FLT4: variants seen among roughly 807,000 people sequenced by gnomAD.
FLT4 encodes vascular endothelial growth factor receptor 3.
A neutral mutation model predicts 163.2 loss-of-function variants in FLT4; 30 were observed. The ratio of observed to expected loss-of-function variants is 0.18; its 90% CI spans 0.14 to 0.25. The LOEUF is 0.25. Among genes scored for constraint, FLT4 ranks in the 10% least tolerant of loss-of-function variants. FLT4 has a pLI of 1.00. For missense variants in FLT4, 1,510 were observed against 1,863.8 expected, an observed-to-expected ratio of 0.81 and a Z score of 3.50; for synonymous variants, 884 against 789.5, an observed-to-expected ratio of 1.12 and a Z score of -2.01.
At chr5:180,603,862 C>T (rs1761646522) in intron 29 of FLT4, among the ~76,000 whole-genome samples, 2 of 151,384 alleles carry the variant, frequency 1.3e-5, no homozygotes, top group African/African-American at 4.9e-5. Context: ...TGAGATCGCA[C>T]CACTGCACTC....
chr5:180,624,899 C>A (rs1763479837), intron 10 of FLT4, among the ~76,000 whole-genome samples: 1 of 152,238 alleles, frequency 6.6e-6, no homozygotes, highest in African/African-American at 2.4e-5. Flanking sequence ...GAGCAGGGAC[C>A]CCCCGAAGGG....
At chr5:180,631,462 G>A (rs1291129500) in intron 2 of FLT4, among the ~76,000 whole-genome samples, 1 of 151,904 alleles carries the variant, frequency 6.6e-6, no homozygotes, top group African/African-American at 2.4e-5. Context: ...GACAGAGTGA[G>A]ACTCCATCTC....
chr5:180,644,151 G>A (rs1228825207), intron 1 of FLT4, among the ~76,000 whole-genome samples: 2 of 152,206 alleles, frequency 1.3e-5, no homozygotes, highest in Admixed American at 6.5e-5. Context: ...AAGGGCTTCT[G>A]TGTGTCTTTT....
At chr5:180,615,163 C>T (rs186841381) in intron 23 of FLT4, among the ~76,000 whole-genome samples, 22 of 147,352 alleles carry the variant, frequency 1.5e-4, no homozygotes, top group Non-Finnish European at 2.7e-4. Context: ...TGGTCACCTC[C>T]CTTCTCCACT....
chr5:180,623,865 T>C lies in FLT4; in HGVS notation c.1548+70A>G. The C allele has an allele frequency of 6.3e-7, 1 of 1,592,770 alleles. No homozygotes were observed. Among genetic ancestry groups the C allele is most frequent in the East Asian group, 2.2e-5 (1 of 44,748 alleles). On this transcript the variant is annotated intron_variant, in intron 11 of 29. Coordinates refer to ENST00000261937, the MANE Select transcript of FLT4 (RefSeq NM_182925.5). The surrounding 1 kb of genome is among the most constrained non-coding windows in gnomAD (Gnocchi z 5.8). Reference sequence around the variant, plus strand: ...CTCTGGAAGCCAGGTGGAAACCACATGGCAGTAATGGCCTCTCTCTCCTCC... The same window carrying C: ...CTCTGGAAGCCAGGTGGAAACCACACGGCAGTAATGGCCTCTCTCTCCTCC...
chr5:180,625,255 C>T (rs1370691446), intron 10 of FLT4, among the ~76,000 whole-genome samples: 1 of 152,254 alleles, frequency 6.6e-6, no homozygotes, highest in Non-Finnish European at 1.5e-5. Context: ...GCGTCCTCCT[C>T]TCACCCCCTG....
intron 29 of FLT4, among the ~76,000 whole-genome samples, chr5:180,606,792 C>T (rs1761809643): frequency 6.6e-6 from 1 of 152,024 alleles, no homozygotes; most frequent in Non-Finnish European, 1.5e-5. Context: ...GGCGTGGTGG[C>T]TCATACCTGT....
chr5:180,603,439 C>G, intron 29 of FLT4, 49 bp from the exon 30 acceptor site: 2 of 1,562,624 alleles, frequency 1.3e-6, no homozygotes, highest in Non-Finnish European at 1.8e-6. Context: ...GGCTGGGTGG[C>G]GGGTGGTGCA....
rs955197076 is a variant in FLT4 at position 180,649,386 on chromosome 5, G to T, written c.58+102C>A. The T allele has an allele frequency of 1.5e-5, 11 of 749,314 alleles. No individual in the cohort carries two copies. The African/African-American group carries it at 1.5e-4, about 11-fold the overall frequency. The allele number at this position is 749,314 out of a possible 1,614,324, so 46.4% of individuals were successfully genotyped here. A position where few individuals can be genotyped will look rare whatever the true frequency, so the allele number is the denominator to read the frequency against. ...GCGCACCAGGGCCACCGTGTCCCCC[G>T]CCCGTACCCGGCGGAGCGGTCTCAG... On this transcript the variant is annotated intron_variant, in intron 1 of 29. Coordinates refer to ENST00000261937, the MANE Select transcript of FLT4 (RefSeq NM_182925.5).
Position 180,636,742 on chromosome 5 carries a change from A to G in FLT4, c.59-4964T>C, listed in dbSNP as rs181990644. Among the ~76,000 whole-genome samples, 581 of 151,946 alleles carry G rather than the reference A, an allele frequency of 3.8e-3. 4 individuals carry two copies. Among genetic ancestry groups the G allele is most frequent in the Middle Eastern group, 6.8e-3 (2 of 294 alleles). ...CGCCATCCCGGAACACCTGTCTTCTACGTCTCTCTCCCTGCTTCCCCTGTT... is the reference window on the plus strand; with the variant it reads ...CGCCATCCCGGAACACCTGTCTTCTGCGTCTCTCTCCCTGCTTCCCCTGTT... On this transcript the variant is annotated intron_variant, in intron 1 of 29. Transcript: ENST00000261937. This position sits in a 1 kb window ranked among gnomAD's most constrained non-coding sequence, Gnocchi z 4.3.
chr5:180,646,614 C>T (rs1010599215), intron 1 of FLT4, among the ~76,000 whole-genome samples: 1 of 152,208 alleles, frequency 6.6e-6, no homozygotes, highest in Non-Finnish European at 1.5e-5. Flanking sequence ...ACCAGGGCCC[C>T]TGAACACTTT....
chr5:180,601,680 C>T lies in FLT4; in HGVS notation c.*1512G>A. On this transcript the variant is annotated 3_prime_UTR_variant, in exon 30 of 30. Transcript: ENST00000261937. ...GCGCGCCAGGAGCCAGGCTGGTTCTCTGCAGAGAACAACCTCCAGATCCTC... is the reference window on the plus strand; with the variant it reads ...GCGCGCCAGGAGCCAGGCTGGTTCTTTGCAGAGAACAACCTCCAGATCCTC... The T allele has an allele frequency of 4.3e-6, 1 of 233,278 alleles. No individual in the cohort carries two copies. 14.5% of individuals were successfully genotyped at this position (233,278 alleles called of 1,614,324 possible).
In FLT4 at chr5:180,618,855, C is replaced by T; in HGVS notation, c.2916G>A (p.Arg972=). The part of the protein sequence containing the change: ...AMVELARLDR[R]RPGSSDRVLF... ...GGACCCTGTCGCTGCTCCCCGGCCG[C>T]CTCCGATCCAGCCTGGCGAGCTCCA... The change falls in exon 21 of 30, where the codon AGG becomes AGA. Residue 972 remains arginine, a synonymous_variant. Transcript: ENST00000261937. 1 of 1,581,710 alleles carries T rather than the reference C, an allele frequency of 6.3e-7. No individual in the cohort carries two copies. Among genetic ancestry groups the T allele is most frequent in the Non-Finnish European group, 8.6e-7 (1 of 1,164,584 alleles).
At position 180,610,145 on chromosome 5, in the gene FLT4, A is replaced by G; in HGVS notation, c.3687-120T>C. The stretch of plus-strand genomic sequence containing the variant: ...AGGACCCCCCGCCTGGGGCAGGAGT[A>G]TGGATGGGCCTGGGCCTGAGTGCTG... On this transcript the variant is annotated intron_variant, in intron 27 of 29. Transcript: ENST00000261937. 5 of 1,448,994 alleles carry G rather than the reference A, an allele frequency of 3.5e-6. No homozygotes were observed. In the South Asian group the frequency reaches 4.7e-5, roughly 14 times the overall value. 89.8% of individuals were successfully genotyped at this position (1,448,994 alleles called of 1,614,324 possible).
intron 27 of FLT4, among the ~76,000 whole-genome samples, chr5:180,611,011 C>T (rs529112494): frequency 3.9e-5 from 6 of 152,150 alleles, no homozygotes; most frequent in Admixed American, 1.3e-4. Flanking sequence ...GAGCCGAGAT[C>T]GCGCCACTGC....
chr5:180,623,174 G>A lies in FLT4; in HGVS notation c.1549-335C>T, dbSNP rs1160965621. 1.3e-5 allele frequency among the ~76,000 whole-genome samples: 2 copies of A among 152,216 alleles called. No individual in the cohort carries two copies. Among genetic ancestry groups the A allele is most frequent in the East Asian group, 3.8e-4 (2 of 5,196 alleles). ...TGAGGGGGCACCAGCGTCAGTGCAA[G>A]CCAGGGTGAGAATTCAGCCTGGGTC... is the stretch of plus-strand genomic sequence containing the variant. On this transcript the variant is annotated intron_variant, in intron 11 of 29. Transcript: ENST00000261937. This position sits in a 1 kb window ranked among gnomAD's most constrained non-coding sequence, Gnocchi z 5.8.
chr5:180,619,612 G>A (rs1172746320), intron 18 of FLT4, 53 bp downstream of exon 18: 12 of 1,410,352 alleles, frequency 8.5e-6, no homozygotes, highest in East Asian at 2.3e-5. Context: ...GGCCCACCCC[G>A]AGCTGCTGCT....
chr5:180,631,915 GTGGCCTGGCCTCACC>G (rs1554116557), intron 1 of FLT4, 137 bp from the exon 2 acceptor site: 1 of 125,760 alleles, frequency 8.0e-6, no homozygotes, highest in Non-Finnish European at 1.7e-5. Context: ...CCAGCACCGC[GTGGCCTGGCCTCACC>G]ATGTGCGCCG....
At position 180,602,253 on chromosome 5, in the gene FLT4, G is replaced by A. The variant is rs1311214012; in HGVS notation, c.*939C>T. On this transcript the variant is annotated 3_prime_UTR_variant, in exon 30 of 30. Coordinates refer to ENST00000261937, the MANE Select transcript of FLT4 (RefSeq NM_182925.5). ...TCTCATGAGCTGGTTCACGGCTTGG[G>A]AGGGGCCGCAGGTGGCAGATCCGGG... 8.1e-6 allele frequency: 2 copies of A among 245,546 alleles called. No homozygotes were observed. The highest frequency in any genetic ancestry group is 5.9e-5 in the East Asian group (1 of 16,986). The allele number at this position is 245,546 out of a possible 1,614,324, so 15.2% of individuals were successfully genotyped here.
Sources: gnomAD v4.1 joint callset for allele counts (sites outside exome capture counted in the v4.1 genomes callset) on GRCh38, gnomAD v4.1.1 for gene constraint, Gnocchi (gnomAD v3.1) non-coding constraint, MANE v1.5 for transcripts, NCBI Gene and HGNC (gene_info 2026-07-23, HGNC 2026-07-21) for gene names.